Variants in SMARCA2 observed in about 807,000 individuals in gnomAD.
SMARCA2 encodes SWI/SNF-related matrix-associated actin-dependent regulator of chromatin subfamily A member 2.
In SMARCA2, 61 loss-of-function variants were observed where a neutral mutation model predicts 199.8. The ratio of observed to expected loss-of-function variants is 0.31; its 90% confidence interval spans 0.25 to 0.38. The LOEUF (loss-of-function observed/expected upper bound fraction) is 0.38. SMARCA2 is among the 10% of genes least tolerant of loss of function. SMARCA2 has a pLI of 1.00. For missense variants in SMARCA2, 1,344 were observed against 2,012.2 expected (o/e 0.67, Z 6.35); for synonymous variants, 935 against 732.0 (o/e 1.28, Z -4.48).
chr9:2,023,953 A>C (rs1289182718), intron 1 of SMARCA2, among the ~76,000 whole-genome samples: 2 of 152,176 alleles, frequency 1.3e-5, no homozygotes, highest in African/African-American at 4.8e-5. Flanking sequence ...AGAACACTTT[A>C]ATAAGACTGG....
In SMARCA2 at chr9:2,039,594, C is replaced by G. The variant is rs550716951; in HGVS notation, c.484C>G (p.Gln162Glu). 1 of 1,614,218 alleles carries G rather than the reference C, an allele frequency of 6.2e-7. No individual in the cohort carries two copies. The highest frequency in any genetic ancestry group is 1.7e-5 in the Admixed American group (1 of 60,032). Residue 162 changes from glutamine (Q) to glutamate (E), a missense_variant, in exon 4 of 34, where the codon CAG becomes GAG. This residue lies in a region of SMARCA2 where 275 missense variants were observed against 247.5 expected (regional missense o/e 1.11). Transcript: ENST00000349721. The surrounding 1 kb of genome is among the most constrained non-coding windows in gnomAD (Gnocchi z 4.8). ...GGGGGCCCTCATCCCAGGTGATCCG[C>G]AGGCCATGAGCCAGCCCAACAGAGG... is the stretch of plus-strand genomic sequence containing the variant. ...QPGALIPGDP[Q>E]AMSQPNRGPS...
chr9:2,024,728 C>T (rs997118414), intron 1 of SMARCA2, among the ~76,000 whole-genome samples: 3 of 152,222 alleles, frequency 2.0e-5, no homozygotes, highest in South Asian at 4.1e-4. Context: ...TTGCTAGATC[C>T]GTGTCATAGC....
intron 27 of SMARCA2, among the ~76,000 whole-genome samples, chr9:2,137,146 G>C (rs1824230968): frequency 6.6e-6 from 1 of 152,168 alleles, no homozygotes; most frequent in Non-Finnish European, 1.5e-5. Flanking sequence ...TTTGAGAAAA[G>C]AAAGATTCAG....
At chr9:2,112,996 C>A (rs1823069439) in intron 24 of SMARCA2, among the ~76,000 whole-genome samples, 1 of 152,186 alleles carries the variant, frequency 6.6e-6, no homozygotes, top group East Asian at 1.9e-4. Flanking sequence ...AGTTTGAATA[C>A]TGGGTTTGAG....
intron 23 of SMARCA2, among the ~76,000 whole-genome samples, chr9:2,107,243 A>G (rs1182237635): frequency 1.3e-5 from 2 of 152,250 alleles, no homozygotes; most frequent in Admixed American, 6.5e-5. Flanking sequence ...GAAATGCCAT[A>G]GCTTTGTATG....
At chr9:2,048,619 G>T (rs1819985081) in intron 5 of SMARCA2, among the ~76,000 whole-genome samples, 1 of 152,190 alleles carries the variant, frequency 6.6e-6, no homozygotes, top group African/African-American at 2.4e-5. Context: ...TACCAGCCTA[G>T]AGAGGTAATC....
At position 2,104,297 on chromosome 9, in the gene SMARCA2, G is replaced by A; in HGVS notation, c.3292+128G>A. ...GAATTGACTAGAAGCATTGGGAGCA[G>A]TTTTTCTAGATAGCAATTTTTTGCA... On this transcript the variant is annotated intron_variant, in intron 23 of 33. Coordinates refer to ENST00000349721, the MANE Select transcript of SMARCA2 (RefSeq NM_003070.5). The surrounding 1 kb of genome is among the most constrained non-coding windows in gnomAD (Gnocchi z 4.0). The A allele has an allele frequency of 1.2e-6, 1 of 840,440 alleles. No individual in the cohort carries two copies. The highest frequency in any genetic ancestry group is 1.8e-6 in the Non-Finnish European group (1 of 554,216). 52.1% of individuals were successfully genotyped at this position (840,440 alleles called of 1,614,324 possible).
At chr9:2,109,028 C>T (rs1822875542) in intron 23 of SMARCA2, among the ~76,000 whole-genome samples, 1 of 152,190 alleles carries the variant, frequency 6.6e-6, no homozygotes, top group Non-Finnish European at 1.5e-5. Context: ...TCTCCCTCTT[C>T]AGGAGGGCAT....
At chr9:2,146,336 T>A (rs1330539027) in intron 27 of SMARCA2, among the ~76,000 whole-genome samples, 1 of 152,212 alleles carries the variant, frequency 6.6e-6, no homozygotes, top group Non-Finnish European at 1.5e-5. Flanking sequence ...ACAGGAATTC[T>A]GGGAGGACAC....
At chr9:2,159,089 TTTG>T in intron 27 of SMARCA2, 1 of 1,381,724 alleles carries the variant, frequency 7.2e-7, no homozygotes. Context: ...TGCAATTTAA[TTTG>T]TTTTCGCTTC....
chr9:2,118,289 G>A (rs1264532267), intron 25 of SMARCA2, among the ~76,000 whole-genome samples: 1 of 152,174 alleles, frequency 6.6e-6, no homozygotes, highest in Non-Finnish European at 1.5e-5. Flanking sequence ...TCAATCTGGA[G>A]GCAAACTAGA....
chr9:2,139,859 C>G (rs1239256379), intron 27 of SMARCA2, among the ~76,000 whole-genome samples: 1 of 152,148 alleles, frequency 6.6e-6, no homozygotes, highest in East Asian at 1.9e-4. Flanking sequence ...TCTCATAATC[C>G]TAACCTGTGG....
intron 28 of SMARCA2, among the ~76,000 whole-genome samples, chr9:2,168,781 A>G (rs537525877): frequency 6.6e-6 from 1 of 152,298 alleles, no homozygotes; most frequent in African/African-American, 2.4e-5. Flanking sequence ...CCCCAAGCCA[A>G]TCAGATGGCT....
At chr9:2,174,476 G>A (rs540297929) in intron 29 of SMARCA2, among the ~76,000 whole-genome samples, 8 of 152,262 alleles carry the variant, frequency 5.3e-5, no homozygotes, top group South Asian at 2.1e-4. Context: ...GCAGCACTCC[G>A]GTGCCTGCCA....
chr9:2,111,151 T>C (rs1169755498), intron 24 of SMARCA2, among the ~76,000 whole-genome samples: 1 of 151,612 alleles, frequency 6.6e-6, no homozygotes, highest in East Asian at 1.9e-4. Flanking sequence ...GTGATATTGG[T>C]CAAGATTTGA....
chr9:2,070,323 A>G, intron 9 of SMARCA2, 95 bp from the exon 10 acceptor site: 2 of 949,588 alleles, frequency 2.1e-6, no homozygotes, highest in East Asian at 5.0e-5. Flanking sequence ...ATAATGGGGT[A>G]ACAATGAAAT....
chr9:2,066,811 C>G (rs1207022241), intron 9 of SMARCA2, among the ~76,000 whole-genome samples: 1 of 152,230 alleles, frequency 6.6e-6, no homozygotes, highest in African/African-American at 2.4e-5. Flanking sequence ...GCTGTAGCAG[C>G]TGCTGCATTC....
chr9:2,191,224 G>C, intron 32 of SMARCA2, 42 bp from the exon 33 acceptor site: 2 of 1,599,684 alleles, frequency 1.3e-6, no homozygotes, highest in Non-Finnish European at 1.7e-6. Flanking sequence ...AGATCTCCTT[G>C]TGATTACTCA....
At chr9:2,083,976 T>C in intron 16 of SMARCA2, 110 bp from the exon 17 acceptor site, 1 of 641,894 alleles carries the variant, frequency 1.6e-6, no homozygotes, top group Non-Finnish European at 2.8e-6. Context: ...AGAATGTGTG[T>C]CTGTGCATTC....
Sources: gnomAD v4.1 joint callset for allele counts (sites outside exome capture counted in the v4.1 genomes callset) on GRCh38, gnomAD v4.1.1 for gene constraint, gnomAD v4.1.1 regional missense constraint, Gnocchi (gnomAD v3.1) non-coding constraint, MANE v1.5 for transcripts, NCBI Gene and HGNC (gene_info 2026-07-23, HGNC 2026-07-21) for gene names.